Variants in SEPTIN11 observed in about 807,000 individuals in gnomAD.
The protein encoded by SEPTIN11 is septin 11, also known as septin-11.
In SEPTIN11, 25 loss-of-function variants were observed where a neutral mutation model predicts 51.4. The ratio of observed to expected loss-of-function variants is 0.49; its 90% CI spans 0.35 to 0.68. SEPTIN11 has a LOEUF of 0.68. Ranked by LOEUF, SEPTIN11 falls within the 30% of genes least tolerant of loss-of-function variation. The pLI is 0.00. For missense variants in SEPTIN11, 381 were observed against 520.8 expected (o/e 0.73, Z 2.61); for synonymous variants, 174 against 184.1 (o/e 0.95, Z 0.44).
At chr4:77,002,525 G>A (rs10518162) in intron 2 of SEPTIN11, among the ~76,000 whole-genome samples, 22,382 of 152,104 alleles carry the variant, frequency 0.15, 2,124 homozygotes, top group East Asian at 0.36. Context: ...CTAAAAATAG[G>A]TAAATCCTGA....
chr4:77,005,645 A>G lies in SEPTIN11; in HGVS notation c.187A>G (p.Asn63Asp). The G allele has an allele frequency of 1.9e-6, 3 of 1,614,062 alleles. No individual in the cohort carries two copies. The highest frequency in any genetic ancestry group is 2.5e-6 in the Non-Finnish European group (3 of 1,179,962). Reference protein sequence around the residue: ...GKSTLMDTLFNTKFESDPATH... With the variant: ...GKSTLMDTLFDTKFESDPATH... ...ATCCACGTTAATGGACACTTTGTTC[A>G]ACACCAAATTTGAAAGTGACCCAGC... The change falls in exon 3 of 10, where the codon AAC becomes GAC. Residue 63 changes from asparagine (N) to aspartate (D), a missense_variant. Physicochemically the swap from Asn to Asp is conservative, Grantham distance 23. Around this residue, in one of 2 missense-constraint regions of SEPTIN11, gnomAD observed 184 missense variants for 207.7 expected, o/e 0.89. Transcript: ENST00000264893.
rs1433505659 is a variant in SEPTIN11, at chr4:77,024,594, G to A, written c.953+3924G>A. On this transcript the variant is annotated intron_variant, in intron 7 of 9. Coordinates refer to ENST00000264893, the MANE Select transcript of SEPTIN11 (RefSeq NM_018243.4). The surrounding 1 kb of genome is among the most constrained non-coding windows in gnomAD (Gnocchi z 4.2). ...TCCCATCTCACCTCAGAACACCACC[G>A]TCTCCTTGCTTCACCCCCGTTCAAC... is the stretch of plus-strand genomic sequence containing the variant. 1.3e-5 allele frequency among the ~76,000 whole-genome samples: 2 copies of A among 152,196 alleles called. No individual in the cohort carries two copies. The highest frequency in any genetic ancestry group is 3.9e-4 in the East Asian group (2 of 5,178).
intron 7 of SEPTIN11, among the ~76,000 whole-genome samples, chr4:77,026,398 G>A (rs989349297): frequency 6.6e-6 from 1 of 152,172 alleles, no homozygotes; most frequent in African/African-American, 2.4e-5. Context: ...AATGACCTGG[G>A]AAGCATTTAA....
chr4:76,970,742 G>GGT (rs1722205398), intron 1 of SEPTIN11, among the ~76,000 whole-genome samples: 1 of 152,182 alleles, frequency 6.6e-6, no homozygotes, highest in Non-Finnish European at 1.5e-5. Context: ...AAATACTACA[G>GGT]TGACTGGTGA....
chr4:77,029,105 G>A lies in SEPTIN11; in HGVS notation c.1086+344G>A, dbSNP rs370559626. ...TAAAACATGAGATTTGGGATTCTGC[G>A]ACTATTATTATCTTCTTAGTCTATC... On this transcript the variant is annotated intron_variant, in intron 8 of 9. Coordinates refer to ENST00000264893, the MANE Select transcript of SEPTIN11 (RefSeq NM_018243.4). Among the ~76,000 whole-genome samples the A allele has an allele frequency of 7.3e-4, 111 of 152,228 alleles. 1 individual carries two copies. Among genetic ancestry groups the A allele is most frequent in the African/African-American group, 2.5e-3 (105 of 41,512 alleles).
intron 7 of SEPTIN11, among the ~76,000 whole-genome samples, chr4:77,027,643 G>C (rs757675517): frequency 1.3e-5 from 2 of 152,202 alleles, no homozygotes; most frequent in Non-Finnish European, 2.9e-5. Context: ...TAGTCCATGG[G>C]AAAGGCAGAT....
chr4:76,981,526 G>C (rs1296957376), intron 1 of SEPTIN11, among the ~76,000 whole-genome samples: 5 of 152,204 alleles, frequency 3.3e-5, no homozygotes, highest in African/African-American at 1.2e-4. Flanking sequence ...CTTACACCTA[G>C]GTGGATGCTT....
intron 1 of SEPTIN11, among the ~76,000 whole-genome samples, chr4:76,952,408 A>G (rs549752412): frequency 1.1e-4 from 17 of 152,206 alleles, no homozygotes; most frequent in African/African-American, 4.1e-4. Context: ...TGCGATAACT[A>G]CCTCTCCCCG....
At chr4:76,952,579 T>G (rs1721393891) in intron 1 of SEPTIN11, among the ~76,000 whole-genome samples, 1 of 152,236 alleles carries the variant, frequency 6.6e-6, no homozygotes, top group African/African-American at 2.4e-5. Flanking sequence ...AATGGTTATA[T>G]TCTGTTACAA....
intron 1 of SEPTIN11, among the ~76,000 whole-genome samples, chr4:76,971,954 A>C (rs1039358306): frequency 5.9e-5 from 9 of 152,208 alleles, no homozygotes; most frequent in African/African-American, 1.9e-4. Flanking sequence ...ATTTTTTTAA[A>C]AGTAATTGTT....
chr4:77,012,010 T>TG, intron 4 of SEPTIN11, 89 bp downstream of exon 4: 1 of 993,636 alleles, frequency 1.0e-6, no homozygotes, highest in Non-Finnish European at 1.4e-6. Context: ...TTCAGTGTGA[T>TG]TTTTTTTTTC....
At chr4:76,967,430 A>T (rs920183354) in intron 1 of SEPTIN11, among the ~76,000 whole-genome samples, 6 of 152,152 alleles carry the variant, frequency 3.9e-5, no homozygotes, top group African/African-American at 1.4e-4. Context: ...TTTGAGGGAG[A>T]AAAAGTACCA....
intron 5 of SEPTIN11, among the ~76,000 whole-genome samples, chr4:77,016,607 TATATACACATATATATATATATACAC>T (rs1411028372): frequency 1.6e-3 from 71 of 45,716 alleles, no homozygotes; most frequent in African/African-American, 7.3e-3. Flanking sequence ...CACATATATA[TATATACACATATATATATATATACAC>T]ATATATATAT....
chr4:77,022,395 A>C (rs999556045), intron 7 of SEPTIN11, among the ~76,000 whole-genome samples: 1 of 152,174 alleles, frequency 6.6e-6, no homozygotes, highest in Non-Finnish European at 1.5e-5. Flanking sequence ...TGAGGAGCTG[A>C]TCCAGATCAG....
intron 1 of SEPTIN11, among the ~76,000 whole-genome samples, chr4:76,993,520 G>A (rs1723494510): frequency 6.6e-6 from 1 of 152,140 alleles, no homozygotes; most frequent in South Asian, 2.1e-4. Flanking sequence ...CTGGAGGGAT[G>A]CGGTTCAGCT....
At chr4:76,961,149 A>G (rs1420760253) in intron 1 of SEPTIN11, among the ~76,000 whole-genome samples, 1 of 152,186 alleles carries the variant, frequency 6.6e-6, no homozygotes, top group Non-Finnish European at 1.5e-5. Context: ...CTTAGTAAAC[A>G]TGAGGAACTT....
chr4:77,020,844 A>G (rs1725668970), intron 7 of SEPTIN11, 174 bp downstream of exon 7: 1 of 616,722 alleles, frequency 1.6e-6, no homozygotes, highest in East Asian at 2.9e-5. Flanking sequence ...CATTATCTCA[A>G]CTAACTTACC....
At chr4:77,028,851 A>G in intron 8 of SEPTIN11, 90 bp downstream of exon 8, 1 of 711,824 alleles carries the variant, frequency 1.4e-6, no homozygotes, top group Admixed American at 5.7e-5. Context: ...TGATGGTCCA[A>G]GTACTTTCTA....
At chr4:76,968,861 A>T (rs915738143) in intron 1 of SEPTIN11, among the ~76,000 whole-genome samples, 10 of 152,200 alleles carry the variant, frequency 6.6e-5, no homozygotes, top group Non-Finnish European at 1.0e-4. Context: ...GGTAATAAGG[A>T]GTATTGATGT....
Sources: gnomAD v4.1 joint callset for allele counts (sites outside exome capture counted in the v4.1 genomes callset) on GRCh38, gnomAD v4.1.1 for gene constraint, gnomAD v4.1.1 regional missense constraint, Gnocchi (gnomAD v3.1) non-coding constraint, MANE v1.5 for transcripts, NCBI Gene and HGNC (gene_info 2026-07-23, HGNC 2026-07-21) for gene names.